Variants in CNTNAP2 observed in about 807,000 individuals in gnomAD.
CNTNAP2 encodes contactin associated protein 2, also known as contactin-associated protein-like 2.
CNTNAP2 carries 98 observed loss-of-function variants against 155.2 expected under a neutral mutation model. The ratio of observed to expected loss-of-function variants is 0.63; its 90% CI spans 0.54 to 0.75. CNTNAP2 has a LOEUF of 0.75. Ranked by LOEUF, CNTNAP2 falls within the 30% of genes least tolerant of loss-of-function variation. The probability of loss-of-function intolerance (pLI) is 0.00; values close to 1 mark genes in which losing one functional copy is unlikely to be tolerated. For synonymous variants in CNTNAP2, 651 were observed against 631.2 expected, an observed-to-expected ratio of 1.03 and a Z score of -0.47; for missense variants, 1,727 against 1,688.1, an observed-to-expected ratio of 1.02 and a Z score of -0.40.
intron 3 of CNTNAP2, among the ~76,000 whole-genome samples, chr7:146,947,555 GTGTATATATATATATATATACA>G (rs1412399230): frequency 7.6e-5 from 3 of 39,418 alleles, no homozygotes; most frequent in Non-Finnish European, 1.2e-4. Context: ...GTGTGTGTGT[GTGTATATATATATATATATACA>G]TATATATATA....
chr7:148,023,785 C>G (rs544109796), intron 15 of CNTNAP2, among the ~76,000 whole-genome samples: 1 of 152,248 alleles, frequency 6.6e-6, no homozygotes, highest in East Asian at 1.9e-4. Flanking sequence ...TATACCAACT[C>G]CCTGAAAGTC....
chr7:146,316,854 G>T (rs1800915733), intron 1 of CNTNAP2, among the ~76,000 whole-genome samples: 1 of 151,984 alleles, frequency 6.6e-6, no homozygotes, highest in South Asian at 2.1e-4. Flanking sequence ...TATCAGAGGG[G>T]CACTGCTGCT....
chr7:146,873,849 CTA>C (rs1202746254), intron 3 of CNTNAP2, among the ~76,000 whole-genome samples: 1 of 151,934 alleles, frequency 6.6e-6, no homozygotes, highest in African/African-American at 2.4e-5. Flanking sequence ...TTTTGAGTGA[CTA>C]TTATGTGGAG....
chr7:146,933,726 TCAAA>T (rs1200598867), intron 3 of CNTNAP2, among the ~76,000 whole-genome samples: 1 of 150,314 alleles, frequency 6.7e-6, no homozygotes, highest in Non-Finnish European at 1.5e-5. Flanking sequence ...TACAATGAAC[TCAAA>T]CAAATTTACA....
chr7:147,046,166 C>T (rs918055034), intron 4 of CNTNAP2, among the ~76,000 whole-genome samples: 3 of 152,096 alleles, frequency 2.0e-5, no homozygotes, highest in Non-Finnish European at 2.9e-5. Context: ...TCACTATCAC[C>T]GTTCTGTTTT....
chr7:146,130,214 C>T (rs1342741521), intron 1 of CNTNAP2, among the ~76,000 whole-genome samples: 1 of 152,196 alleles, frequency 6.6e-6, no homozygotes, highest in Non-Finnish European at 1.5e-5. Flanking sequence ...ATTATCCCAG[C>T]ACTTTGGGAG....
chr7:148,176,809 G>A (rs56250512), intron 18 of CNTNAP2, among the ~76,000 whole-genome samples: 1,799 of 152,222 alleles, frequency 0.012, 19 homozygotes, highest in Non-Finnish European at 0.014. Flanking sequence ...GCACCCCATC[G>A]GCTGAGGCTG....
intron 15 of CNTNAP2, among the ~76,000 whole-genome samples, chr7:148,106,459 C>T (rs533217701): frequency 1.7e-4 from 25 of 148,018 alleles, no homozygotes; most frequent in Admixed American, 4.0e-4. Context: ...GTCACCCCCA[C>T]CCCCATGGCA....
At chr7:146,740,680 G>T (rs1024451717) in intron 1 of CNTNAP2, among the ~76,000 whole-genome samples, 3 of 152,164 alleles carry the variant, frequency 2.0e-5, no homozygotes, top group African/African-American at 7.2e-5. Context: ...CCTGGGTCCT[G>T]CTTTAGCTGG....
intron 11 of CNTNAP2, among the ~76,000 whole-genome samples, chr7:147,529,201 G>A (rs1483522786): frequency 1.3e-5 from 2 of 152,074 alleles, no homozygotes; most frequent in African/African-American, 2.4e-5. Context: ...TTTATACCAT[G>A]GGTCTCAGTG....
At chr7:147,979,189 T>C (rs1801481711) in intron 15 of CNTNAP2, among the ~76,000 whole-genome samples, 1 of 152,212 alleles carries the variant, frequency 6.6e-6, no homozygotes. Context: ...GATTTTTCTC[T>C]ACTTACATTG....
intron 9 of CNTNAP2, among the ~76,000 whole-genome samples, chr7:147,364,571 A>G (rs908072278): frequency 2.6e-5 from 4 of 152,236 alleles, no homozygotes; most frequent in African/African-American, 9.6e-5. Context: ...GACAAGGCTT[A>G]TGAGAATATT....
chr7:146,504,392 A>G (rs913644947), intron 1 of CNTNAP2, among the ~76,000 whole-genome samples: 1 of 152,206 alleles, frequency 6.6e-6, no homozygotes, highest in African/African-American at 2.4e-5. Flanking sequence ...CTCCTTGCAA[A>G]GCTGCTATGT....
chr7:146,803,701 T>C (rs532931319), intron 2 of CNTNAP2, among the ~76,000 whole-genome samples: 97 of 152,306 alleles, frequency 6.4e-4, no homozygotes, highest in African/African-American at 2.2e-3. Flanking sequence ...CATGAAATAT[T>C]AAAAGAATTG....
chr7:147,709,981 A>T (rs1315728385), intron 13 of CNTNAP2, among the ~76,000 whole-genome samples: 1 of 152,074 alleles, frequency 6.6e-6, no homozygotes, highest in Non-Finnish European at 1.5e-5. Flanking sequence ...AAGATGCCCA[A>T]AAGATCTGTC....
intron 8 of CNTNAP2, among the ~76,000 whole-genome samples, chr7:147,228,000 C>G (rs1182530567): frequency 6.6e-6 from 1 of 152,044 alleles, no homozygotes; most frequent in African/African-American, 2.4e-5. Flanking sequence ...AGAGTAGAAG[C>G]AGATGATGGA....
intron 8 of CNTNAP2, among the ~76,000 whole-genome samples, chr7:147,140,886 G>A (rs1237698633): frequency 6.6e-6 from 1 of 152,098 alleles, no homozygotes; most frequent in African/African-American, 2.4e-5. Context: ...CCTCAGATCT[G>A]CTGAGCTAGC....
intron 3 of CNTNAP2, among the ~76,000 whole-genome samples, chr7:146,904,534 C>A (rs570340494): frequency 6.6e-6 from 1 of 152,128 alleles, no homozygotes; most frequent in Non-Finnish European, 1.5e-5. Context: ...CACAGTGGCG[C>A]GATCTCGGCT....
At chr7:147,262,679 G>A (rs754727476) in intron 8 of CNTNAP2, among the ~76,000 whole-genome samples, 17 of 152,144 alleles carry the variant, frequency 1.1e-4, no homozygotes, top group African/African-American at 2.4e-4. Context: ...GGTGGCGAGC[G>A]CCTGTAGTCC....
Sources: allele counts gnomAD v4.1 joint callset (sites outside exome capture counted in the v4.1 genomes callset), GRCh38; gene constraint gnomAD v4.1.1; transcripts MANE v1.5; gene names NCBI Gene and HGNC (gene_info 2026-07-23, HGNC 2026-07-21).